Variants in LRP1B observed in about 807,000 individuals in gnomAD.
LRP1B encodes LDL receptor related protein 1B.
LRP1B carries 217 observed loss-of-function variants against 556.6 expected under a neutral mutation model. The observed-to-expected ratio is 0.39, with a 90% CI of 0.35 to 0.44. LRP1B has a LOEUF of 0.44. Among genes scored for constraint, LRP1B ranks in the 20% least tolerant of loss-of-function variants. LRP1B has a pLI of 1.00. For missense variants in LRP1B, 5,053 were observed against 5,620.8 expected (o/e 0.90, Z 3.23); for synonymous variants, 2,047 against 1,865.8 (o/e 1.10, Z -2.50).
At chr2:141,373,538 T>C (rs1689312719) in intron 3 of LRP1B, among the ~76,000 whole-genome samples, 1 of 152,090 alleles carries the variant, frequency 6.6e-6, no homozygotes, top group South Asian at 2.1e-4. Flanking sequence ...TGGGTGCATA[T>C]ATATTTAGAG....
intron 1 of LRP1B, among the ~76,000 whole-genome samples, chr2:141,997,392 C>CAT (rs554147887): frequency 0.45 from 59,974 of 133,822 alleles, 13,356 homozygotes; most frequent in African/African-American, 0.59. Context: ...TGTGTGTGTA[C>CAT]ATATATATAT....
intron 86 of LRP1B, among the ~76,000 whole-genome samples, chr2:140,252,087 A>AAAAAAAAAAAAAAAAAAAAAC (rs1170506845): frequency 9.0e-5 from 10 of 111,658 alleles, no homozygotes; most frequent in East Asian, 3.0e-4. Flanking sequence ...AAAAAAAAAA[A>AAAAAAAAAAAAAAAAAAAAAC]AACCCAAAAA....
chr2:141,415,392 G>A (rs893867500), intron 3 of LRP1B, among the ~76,000 whole-genome samples: 1 of 151,902 alleles, frequency 6.6e-6, no homozygotes, highest in East Asian at 1.9e-4. Flanking sequence ...TATCATCTGT[G>A]TTCCTACAAG....
chr2:141,811,939 T>C (rs1370326), intron 1 of LRP1B, among the ~76,000 whole-genome samples: 151,540 of 152,266 alleles, frequency 1, 75,413 homozygotes, highest in Middle Eastern at 1. Context: ...GGGATGTCTG[T>C]ATTCCTCTAA....
At chr2:140,615,410 TTC>T (rs1683221041) in intron 41 of LRP1B, among the ~76,000 whole-genome samples, 2 of 152,092 alleles carry the variant, frequency 1.3e-5, no homozygotes, top group African/African-American at 4.8e-5. Flanking sequence ...TAATAATAAC[TTC>T]TGTCTGACCA....
intron 2 of LRP1B, among the ~76,000 whole-genome samples, chr2:141,788,774 C>A (rs547852707): frequency 6.7e-6 from 1 of 149,310 alleles, no homozygotes; most frequent in Non-Finnish European, 1.5e-5. Flanking sequence ...CACCTATGAG[C>A]GAGAACATGC....
chr2:141,489,387 T>C (rs930517527), intron 2 of LRP1B, among the ~76,000 whole-genome samples: 4 of 151,942 alleles, frequency 2.6e-5, no homozygotes, highest in Non-Finnish European at 5.9e-5. Context: ...GGAAAGGTAA[T>C]TTTTATGTAG....
intron 41 of LRP1B, among the ~76,000 whole-genome samples, chr2:140,630,038 T>G (rs1333027454): frequency 6.6e-6 from 1 of 152,198 alleles, no homozygotes; most frequent in Non-Finnish European, 1.5e-5. Flanking sequence ...ACTTGGCTCA[T>G]GAAAAGAACT....
intron 41 of LRP1B, among the ~76,000 whole-genome samples, chr2:140,664,461 G>T (rs74615602): frequency 6.6e-6 from 1 of 151,536 alleles, no homozygotes. Flanking sequence ...CTCCAAAAAA[G>T]ATAAAGAAAA....
chr2:141,665,648 T>G (rs1690399300), intron 2 of LRP1B, among the ~76,000 whole-genome samples: 1 of 152,164 alleles, frequency 6.6e-6, no homozygotes, highest in African/African-American at 2.4e-5. Flanking sequence ...TGTAGCACTA[T>G]TCACGATAGC....
intron 1 of LRP1B, among the ~76,000 whole-genome samples, chr2:141,818,753 G>T (rs1349742066): frequency 1.3e-5 from 2 of 150,672 alleles, no homozygotes; most frequent in African/African-American, 4.9e-5. Flanking sequence ...AGCCAGGATG[G>T]TCTCGATCTC....
At chr2:140,871,386 AGT>A (rs1305639521) in intron 25 of LRP1B, among the ~76,000 whole-genome samples, 4 of 152,180 alleles carry the variant, frequency 2.6e-5, no homozygotes, top group Non-Finnish European at 5.9e-5. Context: ...AAATTTTCAC[AGT>A]CTTGCTAACT....
chr2:141,172,886 A>G (rs1680567203), intron 7 of LRP1B, among the ~76,000 whole-genome samples: 1 of 152,154 alleles, frequency 6.6e-6, no homozygotes, highest in East Asian at 1.9e-4. Flanking sequence ...GAGGATCTAA[A>G]GAAGGCAGAA....
intron 11 of LRP1B, among the ~76,000 whole-genome samples, chr2:141,033,540 CAA>C (rs70991133): frequency 1.1e-3 from 157 of 149,010 alleles, no homozygotes; most frequent in African/African-American, 2.7e-3. Context: ...TCCTGTCCCT[CAA>C]AAAAAAAAAA....
chr2:141,642,660 A>G (rs1321023765), intron 2 of LRP1B, among the ~76,000 whole-genome samples: 3 of 152,112 alleles, frequency 2.0e-5, no homozygotes, highest in Non-Finnish European at 2.9e-5. Flanking sequence ...AAGAAGATGG[A>G]TGGCATGAGA....
At chr2:140,842,381 C>G (rs1210804371) in intron 29 of LRP1B, among the ~76,000 whole-genome samples, 6 of 152,170 alleles carry the variant, frequency 3.9e-5, no homozygotes, top group Non-Finnish European at 5.9e-5. Flanking sequence ...GCCTACCTTG[C>G]TGCTCAAAAA....
At chr2:141,704,655 C>T (rs2105467786) in intron 2 of LRP1B, among the ~76,000 whole-genome samples, 1 of 152,004 alleles carries the variant, frequency 6.6e-6, no homozygotes, top group Non-Finnish European at 1.5e-5. Context: ...ATAAGCTTAG[C>T]AGTCATCTCA....
chr2:141,160,709 AT>A (rs2105110538), intron 7 of LRP1B, among the ~76,000 whole-genome samples: 1 of 152,260 alleles, frequency 6.6e-6, no homozygotes, highest in South Asian at 2.1e-4. Flanking sequence ...AAGTAAAAAA[AT>A]ACAGTGAAAA....
At chr2:140,736,540 A>G (rs1687952014) in intron 35 of LRP1B, among the ~76,000 whole-genome samples, 1 of 152,164 alleles carries the variant, frequency 6.6e-6, no homozygotes, top group Non-Finnish European at 1.5e-5. Context: ...ATATAGACCA[A>G]TGGAATAGAA....
Sources: gnomAD v4.1 joint callset for allele counts (sites outside exome capture counted in the v4.1 genomes callset) on GRCh38, gnomAD v4.1.1 for gene constraint, MANE v1.5 for transcripts, NCBI Gene and HGNC (gene_info 2026-07-23, HGNC 2026-07-21) for gene names.